BACH2: variants seen among roughly 807,000 people sequenced by gnomAD.
The protein encoded by BACH2 is BACH transcriptional regulator 2, also known as transcription regulator protein BACH2.
Under a neutral mutation model 61.8 loss-of-function variants are expected in BACH2, and 5 were observed. The observed-to-expected ratio is 0.08, with a 90% confidence interval of 0.04 to 0.17. BACH2 has a LOEUF of 0.17. BACH2 is among the 10% of genes least tolerant of loss of function. The probability of loss-of-function intolerance (pLI) is 1.00; values close to 1 mark genes in which losing one functional copy is unlikely to be tolerated. For missense variants in BACH2, 824 were observed against 1,091.1 expected (o/e 0.76, Z 3.45); for synonymous variants, 446 against 440.1 (o/e 1.01, Z -0.17).
intron 6 of BACH2, among the ~76,000 whole-genome samples, chr6:89,991,701 A>C (rs1457725965): frequency 6.6e-6 from 1 of 152,010 alleles, no homozygotes; most frequent in Non-Finnish European, 1.5e-5. Flanking sequence ...TGCTCCAAGG[A>C]TGTCCTTTAT....
chr6:90,103,030 T>TATATATATATA (rs371402979), intron 4 of BACH2, among the ~76,000 whole-genome samples: 7 of 20,378 alleles, frequency 3.4e-4, no homozygotes, highest in African/African-American at 9.5e-4. Context: ...TATATATATA[T>TATATATATATA]TTTTTTTTTT....
intron 4 of BACH2, among the ~76,000 whole-genome samples, chr6:90,117,440 T>G (rs1464072331): frequency 6.6e-6 from 1 of 151,074 alleles, no homozygotes. Context: ...CCTGTCTCAT[T>G]TACTTCTTTA....
intron 4 of BACH2, among the ~76,000 whole-genome samples, chr6:90,175,736 TAG>T (rs1301851780): frequency 2.0e-5 from 3 of 152,152 alleles, no homozygotes; most frequent in Non-Finnish European, 4.4e-5. Context: ...CCTTTCTGGC[TAG>T]AGAGAGACTG....
At chr6:90,042,454 C>T (rs1285328934) in intron 5 of BACH2, among the ~76,000 whole-genome samples, 3 of 151,974 alleles carry the variant, frequency 2.0e-5, no homozygotes, top group African/African-American at 7.2e-5. Context: ...CTCACCTCGG[C>T]CTCCCAAAGT....
intron 4 of BACH2, among the ~76,000 whole-genome samples, chr6:90,155,554 A>G (rs1385383712): frequency 6.6e-6 from 1 of 152,190 alleles, no homozygotes; most frequent in Non-Finnish European, 1.5e-5. Context: ...TACAGAGATG[A>G]TTCATTTGCA....
Position 90,070,363 on chromosome 6 carries a change from G to A in BACH2, c.-13+18598C>T, listed in dbSNP as rs80029445. On this transcript the variant is annotated intron_variant, in intron 5 of 8. Coordinates refer to ENST00000257749, the MANE Select transcript of BACH2 (RefSeq NM_021813.4). The stretch of plus-strand genomic sequence containing the variant: ...AGCACATGGACTGGGACTTGATCCA[G>A]TGCTCCTTCTGTTTCACTAAACAGC... 5.9e-3 allele frequency among the ~76,000 whole-genome samples: 896 copies of A among 152,252 alleles called. 52 individuals are homozygous for A. The East Asian group carries it at 0.14, about 23-fold the overall frequency.
At chr6:90,068,831 G>A (rs1340013813) in intron 5 of BACH2, among the ~76,000 whole-genome samples, 13 of 152,090 alleles carry the variant, frequency 8.5e-5, no homozygotes, top group South Asian at 4.1e-4. Context: ...ACTTTTATAT[G>A]GACAAGGATA....
At chr6:90,073,497 C>T (rs1235456404) in intron 5 of BACH2, among the ~76,000 whole-genome samples, 2 of 152,166 alleles carry the variant, frequency 1.3e-5, no homozygotes, top group Non-Finnish European at 2.9e-5. Flanking sequence ...TGTACATATC[C>T]ATCTGCAAAT....
At chr6:90,243,105 G>T (rs1770511393) in intron 3 of BACH2, among the ~76,000 whole-genome samples, 1 of 145,248 alleles carries the variant, frequency 6.9e-6, no homozygotes, top group Admixed American at 7.0e-5. Context: ...TGTTGGTCAG[G>T]CTGGTCTTGA....
chr6:89,973,281 T>C (rs886574831), intron 6 of BACH2, among the ~76,000 whole-genome samples: 165 of 930 alleles, frequency 0.18, no homozygotes, highest in African/African-American at 0.31. Flanking sequence ...ATAAAGGTGA[T>C]TGGAAAATAG....
intron 4 of BACH2, among the ~76,000 whole-genome samples, chr6:90,200,425 T>C (rs981418234): frequency 7.2e-5 from 11 of 152,166 alleles, no homozygotes; most frequent in African/African-American, 2.2e-4. Context: ...CATCTTTTTC[T>C]AGAGCATTTC....
chr6:89,982,853 AC>A (rs1776034621), intron 6 of BACH2, among the ~76,000 whole-genome samples: 1 of 152,196 alleles, frequency 6.6e-6, no homozygotes, highest in Admixed American at 6.5e-5. Context: ...CAAATTACGC[AC>A]AATCTCCCCC....
At chr6:90,164,912 C>A (rs1344326777) in intron 4 of BACH2, among the ~76,000 whole-genome samples, 7 of 152,124 alleles carry the variant, frequency 4.6e-5, no homozygotes, top group African/African-American at 1.7e-4. Context: ...TGGGATGTAT[C>A]TCAAAATAAT....
chr6:90,054,137 C>T (rs934142053), intron 5 of BACH2, among the ~76,000 whole-genome samples: 38 of 152,156 alleles, frequency 2.5e-4, no homozygotes, highest in Non-Finnish European at 4.4e-4. Context: ...GTGGGTGCAG[C>T]GCACCGTGCA....
At chr6:90,199,037 C>T (rs1276616544) in intron 4 of BACH2, among the ~76,000 whole-genome samples, 2 of 152,228 alleles carry the variant, frequency 1.3e-5, no homozygotes, top group Non-Finnish European at 2.9e-5. Context: ...CACTCCTCCT[C>T]ACCTTCCATC....
At chr6:90,270,103 T>C (rs951673058) in intron 2 of BACH2, among the ~76,000 whole-genome samples, 2 of 152,238 alleles carry the variant, frequency 1.3e-5, no homozygotes, top group African/African-American at 2.4e-5. Flanking sequence ...GATGTATATA[T>C]ACCACATTTT....
chr6:90,256,765 GAGC>G (rs1770993589), intron 2 of BACH2, among the ~76,000 whole-genome samples: 1 of 152,032 alleles, frequency 6.6e-6, no homozygotes, highest in Non-Finnish European at 1.5e-5. Flanking sequence ...TTTATGTTAA[GAGC>G]AGCTAAAATC....
chr6:90,057,246 A>G (rs1780410531), intron 5 of BACH2, among the ~76,000 whole-genome samples: 2 of 152,232 alleles, frequency 1.3e-5, no homozygotes, highest in African/African-American at 4.8e-5. Flanking sequence ...CAAGAAGAAA[A>G]GAGAGAAGAA....
At chr6:89,941,180 T>C (rs1773406759) in intron 7 of BACH2, among the ~76,000 whole-genome samples, 1 of 152,194 alleles carries the variant, frequency 6.6e-6, no homozygotes, top group Admixed American at 6.5e-5. Flanking sequence ...CAGGTTTCTC[T>C]TTGGTTACAT....
Sources: allele counts gnomAD v4.1 joint callset (sites outside exome capture counted in the v4.1 genomes callset), GRCh38; gene constraint gnomAD v4.1.1; transcripts MANE v1.5; gene names NCBI Gene and HGNC (gene_info 2026-07-23, HGNC 2026-07-21).